Variants in UNC13B observed in about 807,000 individuals in gnomAD.
UNC13B encodes unc-13 homolog B, also known as protein unc-13 homolog B.
Under a neutral mutation model 211.0 loss-of-function variants are expected in UNC13B, and 144 were observed. The observed-to-expected ratio is 0.68, with a 90% CI of 0.60 to 0.78. The LOEUF is 0.78. Ranked by LOEUF, UNC13B falls within the 30% of genes least tolerant of loss-of-function variation. The pLI, the probability that UNC13B is intolerant of heterozygous loss-of-function variation, is 0.00. For synonymous variants in UNC13B, 709 were observed against 725.8 expected (o/e 0.98, Z 0.37); for missense variants, 1,777 against 2,002.0 (o/e 0.89, Z 2.14).
Position 35,303,153 on chromosome 9 carries a change from A to G in UNC13B, c.3749A>G (p.Glu1250Gly), listed in dbSNP as rs1829767449. Residue 1250 changes from glutamate to glycine, a missense_variant, in exon 9 of 40, where the codon GAA becomes GGA. By Grantham distance (98) the Glu-to-Gly change is moderately conservative. Transcript: ENST00000635942. ...AAACATGAAACTTCTAGCTTCATAG[A>G]AGCCTCCTTATTACCTAAAGAAAAC... ...VEKHETSSFI[E>G]ASLLPKENIP... 7.5e-6 allele frequency: 3 copies of G among 398,692 alleles called. No individual in the cohort carries two copies. The allele number at this position is 398,692 out of a possible 1,614,324, so 24.7% of individuals were successfully genotyped here.
chr9:35,301,672 C>G lies in UNC13B; in HGVS notation c.2268C>G (p.Leu756=). The stretch of plus-strand genomic sequence containing the variant: ...ATGAGAGTCTATTGGAAGAAAAACT[C>G]TGTATAGATCTGTCTCTTTTACCAG... ...KNDESLLEEK[L]CIDLSLLPDQ... Residue 756 remains leucine, a synonymous_variant, in exon 9 of 40, where the codon CTC becomes CTG. Transcript: ENST00000635942. The G allele has an allele frequency of 2.5e-6, 1 of 398,816 alleles. No homozygotes were observed. Among genetic ancestry groups the G allele is most frequent in the Non-Finnish European group, 4.4e-6 (1 of 225,914 alleles). The allele number at this position is 398,816 out of a possible 1,614,324, so 24.7% of individuals were successfully genotyped here.
chr9:35,389,731 T>C (rs1835408554), intron 24 of UNC13B, 115 bp from the exon 25 acceptor site: 1 of 1,158,708 alleles, frequency 8.6e-7, no homozygotes, highest in African/African-American at 1.5e-5. Context: ...GGAAAGGTCC[T>C]TGATTCTAGA....
chr9:35,330,613 G>A (rs1358322277), intron 11 of UNC13B, among the ~76,000 whole-genome samples: 1 of 152,336 alleles, frequency 6.6e-6, no homozygotes, highest in African/African-American at 2.4e-5. Context: ...TGCAATGTGG[G>A]AACATTTTCA....
At chr9:35,202,677 CT>C (rs1250699122) in intron 1 of UNC13B, among the ~76,000 whole-genome samples, 3 of 151,394 alleles carry the variant, frequency 2.0e-5, no homozygotes, top group Non-Finnish European at 2.9e-5. Context: ...GCAACCTTTG[CT>C]TTTTTTTGTT....
chr9:35,164,066 G>A (rs1451080352), intron 1 of UNC13B, among the ~76,000 whole-genome samples: 2 of 152,014 alleles, frequency 1.3e-5, no homozygotes, highest in African/African-American at 2.4e-5. Flanking sequence ...ACCCAGGCTG[G>A]AGTGCAGTGC....
rs1195130683 is a variant in UNC13B at position 35,380,550 on chromosome 9, G to A, written c.10286G>A (p.Arg3429His). 4.3e-6 allele frequency: 7 copies of A among 1,614,172 alleles called. No individual in the cohort carries two copies. The highest frequency in any genetic ancestry group is 3.3e-5 in the Admixed American group (2 of 60,016). ...DDDIKSRVKQRLKRESDDFLG... is the reference protein window; with the variant it reads ...DDDIKSRVKQHLKRESDDFLG... ...GACATCAAGTCAAGAGTAAAGCAAC[G>A]CCTAAAGCGAGAGTCTGATGATTTC... The change falls in exon 18 of 40, where the codon CGC becomes CAC. Residue 3429 changes from arginine to histidine, a missense_variant. By Grantham distance (29) the Arg-to-His change is conservative. Transcript: ENST00000635942.
rs570127754 is a variant in UNC13B, at chr9:35,388,928, G to A, written c.11095-918G>A. ...AAATCCTTGAATGATAAGAGCCTGA[G>A]CCAGGACAGTGACAGAAAAATAAAA... is the stretch of plus-strand genomic sequence containing the variant. On this transcript the variant is annotated intron_variant, in intron 24 of 39. Coordinates refer to ENST00000635942, the MANE Select transcript of UNC13B (RefSeq NM_001371189.2). 1.2e-4 allele frequency among the ~76,000 whole-genome samples: 18 copies of A among 152,324 alleles called. No homozygotes were observed. In the South Asian group the frequency reaches 1.7e-3, roughly 14 times the overall value.
Position 35,243,261 on chromosome 9 carries a change from CT to C in UNC13B, c.395-26del, listed in dbSNP as rs540637321. On this transcript the variant is annotated intron_variant, in intron 5 of 39. Coordinates refer to ENST00000635942, the MANE Select transcript of UNC13B (RefSeq NM_001371189.2). ...GATTTATTACCTGCTGATGTGATTTCTTTTCTTTTTCTTCTTTTTTTTATGG... is the reference window on the plus strand; with the variant it reads ...GATTTATTACCTGCTGATGTGATTTCTTTCTTTTTCTTCTTTTTTTTATGG... 2.9e-5 allele frequency: 47 copies of C among 1,605,854 alleles called. No individual in the cohort carries two copies. The Admixed American group carries it at 7.9e-4, about 27-fold the overall frequency.
Position 35,377,598 on chromosome 9 carries a change from C to T in UNC13B, c.9966C>T (p.Phe3322=), listed in dbSNP as rs201328348. Residue 3322 remains phenylalanine, a synonymous_variant, in exon 16 of 40, where the codon TTC becomes TTT. Coordinates refer to ENST00000635942, the MANE Select transcript of UNC13B (RefSeq NM_001371189.2). ...TCTTTGAAGTTATCCGGGACGTCTT[C>T]ACAGTGAACAAAGCTGCCCATGTGC... The part of the protein sequence containing the change: ...PEIFEVIRDV[F]TVNKAAHVQQ... 381 of 1,614,232 alleles carry T rather than the reference C, an allele frequency of 2.4e-4. 1 individual carries two copies. Among genetic ancestry groups the T allele is most frequent in the Non-Finnish European group, 8.9e-5 (105 of 1,180,038 alleles).
chr9:35,185,867 G>A (rs1446420637), intron 1 of UNC13B, among the ~76,000 whole-genome samples: 3 of 151,060 alleles, frequency 2.0e-5, no homozygotes, highest in East Asian at 2.0e-4. Context: ...GCAGTGAGCC[G>A]AGATCATGCC....
intron 6 of UNC13B, among the ~76,000 whole-genome samples, chr9:35,256,991 T>C (rs1826917113): frequency 6.6e-6 from 1 of 152,288 alleles, no homozygotes; most frequent in South Asian, 2.1e-4. Context: ...AAATATAGCT[T>C]CTGAAAATAT....
intron 7 of UNC13B, among the ~76,000 whole-genome samples, chr9:35,287,240 C>T (rs1933415305): frequency 6.6e-6 from 1 of 151,286 alleles, no homozygotes; most frequent in South Asian, 2.1e-4. Flanking sequence ...TCAAGTGATT[C>T]TCCTGCCTCA....
chr9:35,168,175 C>T (rs1313651556), intron 1 of UNC13B, among the ~76,000 whole-genome samples: 6 of 152,162 alleles, frequency 3.9e-5, no homozygotes, highest in Non-Finnish European at 8.8e-5. Context: ...ACCTTGGCCT[C>T]CCAAAATGCT....
intron 1 of UNC13B, among the ~76,000 whole-genome samples, chr9:35,180,114 G>T (rs116231693): frequency 0.013 from 1,951 of 152,280 alleles, 45 homozygotes; most frequent in African/African-American, 0.045. Context: ...TTGAACACTT[G>T]TACATGCTCA....
chr9:35,333,317 G>A (rs1469328653), intron 11 of UNC13B, among the ~76,000 whole-genome samples: 1 of 152,040 alleles, frequency 6.6e-6, no homozygotes, highest in Admixed American at 6.6e-5. Flanking sequence ...TCTTTACATT[G>A]GTAATTAAAT....
intron 11 of UNC13B, chr9:35,361,991 A>G (rs1229760573): frequency 6.6e-6 from 1 of 152,234 alleles, no homozygotes; most frequent in Admixed American, 6.5e-5. Flanking sequence ...CAAATCTTGA[A>G]GCACTTTATG....
chr9:35,327,647 T>C (rs1831093370), intron 11 of UNC13B, among the ~76,000 whole-genome samples: 1 of 152,108 alleles, frequency 6.6e-6, no homozygotes, highest in Non-Finnish European at 1.5e-5. Flanking sequence ...GTCCACCAAC[T>C]CAAATTTCTA....
At chr9:35,376,314 A>G in intron 15 of UNC13B, 67 bp downstream of exon 15, 1 of 1,518,318 alleles carries the variant, frequency 6.6e-7, no homozygotes, top group Non-Finnish European at 9.0e-7. Flanking sequence ...AGTCTGCAGC[A>G]AAGAGCTGGG....
intron 11 of UNC13B, among the ~76,000 whole-genome samples, chr9:35,328,529 T>C (rs1831148309): frequency 6.6e-6 from 1 of 152,102 alleles, no homozygotes; most frequent in Non-Finnish European, 1.5e-5. Flanking sequence ...ATCCTTCCAC[T>C]GTATTCCAAA....
Sources: allele counts gnomAD v4.1 joint callset (sites outside exome capture counted in the v4.1 genomes callset), GRCh38; gene constraint gnomAD v4.1.1; transcripts MANE v1.5; gene names NCBI Gene and HGNC (gene_info 2026-07-23, HGNC 2026-07-21).